Variants in NCOA4 observed in about 807,000 individuals in gnomAD.
NCOA4 encodes the protein nuclear receptor coactivator 4, also known as 70 kDa AR-activator.
Under a neutral mutation model 69.5 loss-of-function variants are expected in NCOA4, and 31 were observed. That is an observed-to-expected ratio of 0.45 (90% CI 0.34 to 0.60). The LOEUF (loss-of-function observed/expected upper bound fraction) is 0.60, where lower values mean the gene tolerates loss of function less well. Among genes scored for constraint, NCOA4 ranks in the 20% least tolerant of loss-of-function variants. NCOA4 has a pLI of 0.02. For missense variants in NCOA4, 600 were observed against 719.2 expected (o/e 0.83, Z 1.90); for synonymous variants, 228 against 252.4 (o/e 0.90, Z 0.92).
In NCOA4 at chr10:46,010,572, G is replaced by A; in HGVS notation, c.1349C>T (p.Pro450Leu). 6.2e-7 allele frequency: 1 copy of A among 1,614,152 alleles called. No homozygotes were observed. The highest frequency in any genetic ancestry group is 2.2e-5 in the East Asian group (1 of 44,882). Residue 450 changes from proline to leucine, a missense_variant, in exon 8 of 10, where the codon CCT becomes CTT. Physicochemically the swap from Pro to Leu is moderately conservative, Grantham distance 98. Transcript: ENST00000581486. ...ATTCAGGGAATCTTTATGCTTCTCA[G>A]GCTCAGGTTTGGGTTCCACAGGCAT... is the stretch of plus-strand genomic sequence containing the variant. ...NGMPVEPKPE[P>L]EKHKDSLNMW...
rs1839321437 is a variant in NCOA4 at position 46,012,921 on chromosome 10, C to A, written c.676G>T (p.Asp226Tyr). Residue 226 changes from aspartate to tyrosine, a missense_variant, in exon 7 of 10, where the codon GAC becomes TAC. Transcript: ENST00000581486. ...APYIPSTDPQ[D>Y]WLTQKQTLEN... The stretch of plus-strand genomic sequence containing the variant: ...AAGGTCTGCTTTTGGGTAAGCCAGT[C>A]CTGGGGGTCGGTGCTGGGTATGTAA... 1 of 1,614,114 alleles carries A rather than the reference C, an allele frequency of 6.2e-7. No individual in the cohort carries two copies. Among genetic ancestry groups the A allele is most frequent in the Non-Finnish European group, 8.5e-7 (1 of 1,180,026 alleles).
chr10:46,027,687 C>T (rs952153588), intron 1 of NCOA4, among the ~76,000 whole-genome samples: 2 of 152,324 alleles, frequency 1.3e-5, no homozygotes, highest in East Asian at 1.9e-4. Flanking sequence ...GGTCTGTTAT[C>T]GACACTTTAG....
At position 46,012,070 on chromosome 10, in the gene NCOA4, G is replaced by GAAAAAAAAAAAAAAAAAAAAAAAAAAAAA. The variant is rs71026286; in HGVS notation, c.714+784_714+812dup. On this transcript the variant is annotated intron_variant, in intron 7 of 9. Transcript: ENST00000581486. The stretch of plus-strand genomic sequence containing the variant: ...AGCAAGACTCGGTCTCAAAAAGAAA[G>GAAAAAAAAAAAAAAAAAAAAAAAAAAAAA]AAAAAAAAAAAAAAAAAAAAAAAAA... Among the ~76,000 whole-genome samples the GAAAAAAAAAAAAAAAAAAAAAAAAAAAAA allele has an allele frequency of 2.5e-4, 11 of 44,524 alleles. 1 individual carries two copies. The highest frequency in any genetic ancestry group is 8.6e-4 in the East Asian group (1 of 1,166). 29.2% of individuals were successfully genotyped at this position (44,524 alleles called of 152,430 possible). A position where few individuals can be genotyped will look rare whatever the true frequency, so the allele number is the denominator to read the frequency against.
At chr10:46,008,980 TTTC>T (rs144139077) in intron 9 of NCOA4, 8,445 of 570,568 alleles carry the variant, frequency 0.015, 557 homozygotes, top group African/African-American at 0.14. Flanking sequence ...TGTACATTGG[TTTC>T]TTCTTAAGAC....
chr10:46,021,663 A>G (rs1446932862), intron 1 of NCOA4, among the ~76,000 whole-genome samples: 3 of 152,188 alleles, frequency 2.0e-5, no homozygotes, highest in Admixed American at 6.5e-5. Context: ...GGATAACACT[A>G]ACAAAAATAG....
At chr10:46,012,068 AAG>A (rs1839246860) in intron 7 of NCOA4, among the ~76,000 whole-genome samples, 1 of 129,196 alleles carries the variant, frequency 7.7e-6, no homozygotes, top group Non-Finnish European at 1.6e-5. Context: ...CTCAAAAAGA[AAG>A]AAAAAAAAAA....
chr10:46,006,927 C>T (rs1838857112), intron 9 of NCOA4, among the ~76,000 whole-genome samples: 2 of 152,046 alleles, frequency 1.3e-5, no homozygotes, highest in Non-Finnish European at 2.9e-5. Context: ...AGGAATAGTC[C>T]CCATCTCTCA....
chr10:46,013,323 T>C, intron 6 of NCOA4, among the ~76,000 whole-genome samples: 1 of 152,328 alleles, frequency 6.6e-6, no homozygotes, highest in Non-Finnish European at 1.5e-5. Context: ...CTAATGATAA[T>C]TTCCTGTGAA....
intron 1 of NCOA4, chr10:46,023,386 C>A (rs1839997435): frequency 1.0e-5 from 10 of 985,580 alleles, no homozygotes; most frequent in Non-Finnish European, 1.2e-5. Flanking sequence ...GCTGCTTTAC[C>A]CCTGACCCGA....
In NCOA4 at chr10:46,005,979, TTAAG is replaced by T. The variant is rs1838785754; in HGVS notation, c.*609_*612del. The T allele has an allele frequency of 4.9e-6, 1 of 205,578 alleles. No individual in the cohort carries two copies. The allele number at this position is 205,578 out of a possible 1,614,324, so 12.7% of individuals were successfully genotyped here. The stretch of plus-strand genomic sequence containing the variant: ...AAGACAAAATTTGCAGTAGCTGAGT[TTAAG>T]TGAAGAATAATGTAGAACTAACGTG... On this transcript the variant is annotated 3_prime_UTR_variant, in exon 10 of 10. Coordinates refer to ENST00000581486, the MANE Select transcript of NCOA4 (RefSeq NM_001145263.2).
At chr10:46,030,133 C>G (rs1840378453) in intron 1 of NCOA4, among the ~76,000 whole-genome samples, 2 of 152,166 alleles carry the variant, frequency 1.3e-5, no homozygotes, top group Non-Finnish European at 2.9e-5. Flanking sequence ...GCGAGAGAAA[C>G]AGGAAACTTG....
intron 1 of NCOA4, among the ~76,000 whole-genome samples, chr10:46,027,210 GCAATGAGCGGAGATCGCCCA>G (rs1433342060): frequency 4.8e-5 from 7 of 144,708 alleles, no homozygotes; most frequent in Non-Finnish European, 7.4e-5. Flanking sequence ...GGCGGAGCTT[GCAATGAGCGGAGATCGCCCA>G]CTGCACTCCA....
At chr10:46,009,096 T>C in intron 9 of NCOA4, 2 of 1,383,180 alleles carry the variant, frequency 1.4e-6, no homozygotes. Flanking sequence ...ATATTTGCTT[T>C]ATTGCAGTGG....
At chr10:46,011,934 G>A (rs973417826) in intron 7 of NCOA4, among the ~76,000 whole-genome samples, 66 of 151,534 alleles carry the variant, frequency 4.4e-4, no homozygotes, top group African/African-American at 1.5e-3. Context: ...GGTGGCAAGC[G>A]CCTGTAATCC....
rs1839181329 is a variant in NCOA4, at chr10:46,011,187, T to C, written c.734A>G (p.Asn245Ser). 4 of 1,594,152 alleles carry C rather than the reference T, an allele frequency of 2.5e-6. No individual in the cohort carries two copies. Among genetic ancestry groups the C allele is most frequent in the Non-Finnish European group, 3.4e-6 (4 of 1,173,432 alleles). Residue 245 changes from asparagine to serine, a missense_variant, in exon 8 of 10, where the codon AAT becomes AGT. Coordinates refer to ENST00000581486, the MANE Select transcript of NCOA4 (RefSeq NM_001145263.2). ...GTTTCCCCCGACATTATTGAAGAAA[T>C]TGCAGGCTCTGGAAGAAGTCTACAC... ...ENSQTSSRAC[N>S]FFNNVGGNLK...
At chr10:46,006,680 T>A in intron 9 of NCOA4, 83 bp from the exon 10 acceptor site, 1 of 1,280,160 alleles carries the variant, frequency 7.8e-7, no homozygotes, top group Non-Finnish European at 1.1e-6. Flanking sequence ...TCCGACTCAT[T>A]TCCCAATACA....
rs1838752945 is a variant in NCOA4 at position 46,005,354 on chromosome 10, G to C, written c.*1238C>G. 4.7e-6 allele frequency: 1 copy of C among 213,016 alleles called. No homozygotes were observed. 13.2% of individuals were successfully genotyped at this position (213,016 alleles called of 1,614,324 possible). A position where few individuals can be genotyped will look rare whatever the true frequency, so the allele number is the denominator to read the frequency against. ...TAATACAAAGCTCTTTTCAGCTGTG[G>C]TTCAAAGAACTCTAGTGAAGCTGTA... On this transcript the variant is annotated 3_prime_UTR_variant, in exon 10 of 10. Coordinates refer to ENST00000581486, the MANE Select transcript of NCOA4 (RefSeq NM_001145263.2).
intron 1 of NCOA4, among the ~76,000 whole-genome samples, chr10:46,020,547 C>A (rs564710492): frequency 2.6e-4 from 40 of 152,290 alleles, no homozygotes; most frequent in African/African-American, 9.4e-4. Flanking sequence ...GCACCATTTG[C>A]CCTTGTGGAA....
At chr10:46,017,353 C>G (rs1390737997) in intron 1 of NCOA4, among the ~76,000 whole-genome samples, 2 of 152,092 alleles carry the variant, frequency 1.3e-5, no homozygotes, top group South Asian at 4.1e-4. Context: ...TCGGGACCAG[C>G]CTGGGCAAAA....
Sources: allele counts gnomAD v4.1 joint callset (sites outside exome capture counted in the v4.1 genomes callset), GRCh38; gene constraint gnomAD v4.1.1; transcripts MANE v1.5; gene names NCBI Gene and HGNC (gene_info 2026-07-23, HGNC 2026-07-21).